The following ANK2 variants were observed in gnomAD, a reference collection of about 807,000 sequenced individuals.
ANK2 encodes ankyrin 2.
In ANK2, 83 loss-of-function variants were observed where a neutral mutation model predicts 360.5. That is an observed-to-expected ratio of 0.23 (90% CI 0.19 to 0.28). The LOEUF is 0.28. ANK2 is among the 10% of genes least tolerant of loss of function. The pLI is 1.00. For synonymous variants in ANK2, 1,740 were observed against 1,759.5 expected, an observed-to-expected ratio of 0.99 and a Z score of 0.28; for missense variants, 4,201 against 4,795.7, an observed-to-expected ratio of 0.88 and a Z score of 3.66.
chr4:112,760,188 C>T, the ANK2 span, among the ~76,000 whole-genome samples: 1 of 123,450 alleles, frequency 8.1e-6, no homozygotes, highest in African/African-American at 3.1e-5. Flanking sequence ...ATTCCATATT[C>T]TTTTTTTTTT....
rs2099394174 is a variant in ANK2 at position 113,237,675 on chromosome 4, G to T, written c.693+53G>T. 5 of 1,495,190 alleles carry T rather than the reference G, an allele frequency of 3.3e-6. No individual in the cohort carries two copies. The East Asian group carries it at 1.1e-4, about 34-fold the overall frequency. The allele number at this position is 1,495,190 out of a possible 1,614,324, so 92.6% of individuals were successfully genotyped here. On this transcript the variant is annotated intron_variant, in intron 7 of 45. Coordinates refer to ENST00000357077, the MANE Select transcript of ANK2 (RefSeq NM_001148.6). ...TACCTTGTCTTTATTTTTAGTTTTT[G>T]CCCAATTGGAATAAATGCTCACTAA...
At chr4:113,184,094 A>T (rs540037912) in intron 2 of ANK2, among the ~76,000 whole-genome samples, 10 of 149,992 alleles carry the variant, frequency 6.7e-5, no homozygotes, top group South Asian at 4.2e-4. Context: ...AGTAGACTTC[A>T]GGGAAGCAGT....
chr4:112,970,577 A>C (rs2039157677), intron 2 of ANK2, among the ~76,000 whole-genome samples: 1 of 152,144 alleles, frequency 6.6e-6, no homozygotes, highest in African/African-American at 2.4e-5. Flanking sequence ...GCTTGTCTCG[A>C]GCTCCTGACC....
chr4:113,013,448 GTCTT>G (rs1277943097), intron 2 of ANK2, among the ~76,000 whole-genome samples: 1 of 152,072 alleles, frequency 6.6e-6, no homozygotes, highest in Non-Finnish European at 1.5e-5. Flanking sequence ...TGGTATTTAT[GTCTT>G]TCTCAAAATG....
intron 2 of ANK2, among the ~76,000 whole-genome samples, chr4:113,026,513 T>C (rs952354666): frequency 6.6e-6 from 1 of 152,214 alleles, no homozygotes; most frequent in Non-Finnish European, 1.5e-5. Flanking sequence ...CAACTGATCA[T>C]CAGATATTTT....
At chr4:112,767,630 C>T in the ANK2 span, among the ~76,000 whole-genome samples, 10 of 151,222 alleles carry the variant, frequency 6.6e-5, no homozygotes, top group East Asian at 9.7e-4. Flanking sequence ...ACCCTAGGCC[C>T]GCTAGGCTTT....
At chr4:113,168,936 A>C (rs1212059204) in intron 1 of ANK2, among the ~76,000 whole-genome samples, 1 of 152,160 alleles carries the variant, frequency 6.6e-6, no homozygotes, top group Non-Finnish European at 1.5e-5. Flanking sequence ...GACCACACCC[A>C]GTTCTGGTTC....
intron 1 of ANK2, among the ~76,000 whole-genome samples, chr4:112,897,058 G>A (rs925049289): frequency 6.6e-6 from 1 of 152,076 alleles, no homozygotes; most frequent in African/African-American, 2.4e-5. Flanking sequence ...CTGGTGATCT[G>A]ACAAGTCATA....
In ANK2 at chr4:112,890,556, GTTTTTTTTTTTTTTTT is replaced by G. The variant is rs754680934; in HGVS notation, c.-39-13886_-39-13871del. Among the ~76,000 whole-genome samples, 3 of 67,468 alleles carry G rather than the reference GTTTTTTTTTTTTTTTT, an allele frequency of 4.4e-5. No homozygotes were observed. In the East Asian group the frequency reaches 1.6e-3, roughly 36 times the overall value. The allele number at this position is 67,468 out of a possible 152,430, so 44.3% of individuals were successfully genotyped here. A position where few individuals can be genotyped will look rare whatever the true frequency, so the allele number is the denominator to read the frequency against. On this transcript the variant is annotated intron_variant, in intron 1 of 30. Coordinates refer to the ANK2 transcript ENST00000503271. ...GGAATTTATGATATACATTTCTGTG[GTTTTTTTTTTTTTTTT>G]TTTTTTTTTTTTGAGACGGAGTTTC...
chr4:113,148,759 T>C (rs1169588384), intron 1 of ANK2, among the ~76,000 whole-genome samples: 1 of 152,100 alleles, frequency 6.6e-6, no homozygotes, highest in African/African-American at 2.4e-5. Context: ...TGAGGAAGCA[T>C]GGTGCCTAAC....
chr4:112,732,417 CT>C, the ANK2 span, among the ~76,000 whole-genome samples: 1 of 151,870 alleles, frequency 6.6e-6, no homozygotes, highest in Non-Finnish European at 1.5e-5. Flanking sequence ...CTATTTACTT[CT>C]TGTTTTTTGT....
chr4:113,096,301 C>A (rs2090993505), intron 1 of ANK2, among the ~76,000 whole-genome samples: 1 of 152,164 alleles, frequency 6.6e-6, no homozygotes, highest in South Asian at 2.1e-4. Context: ...TCACTGGAAC[C>A]AATGAAACCC....
chr4:113,318,498 C>T lies in ANK2; in HGVS notation c.2797-19C>T, dbSNP rs2084153004. The stretch of plus-strand genomic sequence containing the variant: ...TGAAGCAAAGTGTGTTTATTCAATC[C>T]AGTGTTCTTTGTGTTTAGGTGTCAA... On this transcript the variant is annotated intron_variant, in intron 25 of 45. Transcript: ENST00000357077. The T allele has an allele frequency of 6.3e-7, 1 of 1,587,624 alleles. No homozygotes were observed. Among genetic ancestry groups the T allele is most frequent in the South Asian group, 1.1e-5 (1 of 89,852 alleles).
chr4:112,735,205 T>C, the ANK2 span, among the ~76,000 whole-genome samples: 2 of 152,210 alleles, frequency 1.3e-5, no homozygotes, highest in East Asian at 3.9e-4. Flanking sequence ...GGCAACATAG[T>C]GAAACCCTGT....
At chr4:112,770,235 T>C in the ANK2 span, among the ~76,000 whole-genome samples, 1 of 152,168 alleles carries the variant, frequency 6.6e-6, no homozygotes, top group African/African-American at 2.4e-5. Context: ...TCAGTTGGTC[T>C]CTCCCTTCTC....
intron 1 of ANK2, among the ~76,000 whole-genome samples, chr4:113,147,429 A>G (rs755468086): frequency 6.6e-6 from 1 of 152,202 alleles, no homozygotes; most frequent in Non-Finnish European, 1.5e-5. Flanking sequence ...TTAAAAATGT[A>G]CAATGTCATT....
intron 1 of ANK2, among the ~76,000 whole-genome samples, chr4:113,096,779 A>T (rs1410065948): frequency 6.6e-6 from 1 of 152,044 alleles, no homozygotes; most frequent in Admixed American, 6.6e-5. Flanking sequence ...ATAAGCCTTC[A>T]ATGCTGTATG....
intron 1 of ANK2, among the ~76,000 whole-genome samples, chr4:113,099,860 A>G (rs1242961471): frequency 2.6e-5 from 4 of 152,092 alleles, no homozygotes; most frequent in Non-Finnish European, 4.4e-5. Flanking sequence ...ATAAAAGGCA[A>G]TTCAATGCAG....
Position 113,343,092 on chromosome 4 carries a change from A to G in ANK2, c.4198A>G (p.Ile1400Val). Residue 1400 changes from isoleucine (I) to valine (V), a missense_variant, in exon 34 of 46, where the codon ATA (isoleucine) becomes GTA (valine). Coordinates refer to ENST00000357077, the MANE Select transcript of ANK2 (RefSeq NM_001148.6). The part of the protein sequence containing the change: ...VPLTKSGQHH[I>V]FSFFAFKENR... The stretch of plus-strand genomic sequence containing the variant: ...ATTAACTAAAAGTGGCCAGCATCAT[A>G]TATTCAGTTTTTTTGCCTTCAAAGA... The G allele has an allele frequency of 1.2e-6, 2 of 1,613,876 alleles. No individual in the cohort carries two copies. Among genetic ancestry groups the G allele is most frequent in the Non-Finnish European group, 1.7e-6 (2 of 1,179,816 alleles).
Sources: gnomAD v4.1 joint callset for allele counts (sites outside exome capture counted in the v4.1 genomes callset) on GRCh38, gnomAD v4.1.1 for gene constraint, MANE v1.5 for transcripts, NCBI Gene and HGNC (gene_info 2026-07-23, HGNC 2026-07-21) for gene names.